LRRTM4: variants seen among roughly 807,000 people sequenced by gnomAD.
LRRTM4 encodes leucine-rich repeat transmembrane neuronal protein 4.
Under a neutral mutation model 47.6 loss-of-function variants are expected in LRRTM4, and 25 were observed. The observed-to-expected ratio is 0.53, with a 90% CI of 0.38 to 0.73. LRRTM4 has a LOEUF of 0.73. LRRTM4 is among the 30% of genes least tolerant of loss of function. The pLI is 0.00. For missense variants in LRRTM4, 638 were observed against 713.4 expected (o/e 0.89, Z 1.20); for synonymous variants, 311 against 269.5 (o/e 1.15, Z -1.51).
At chr2:77,281,267 A>G (rs994049133) in intron 3 of LRRTM4, among the ~76,000 whole-genome samples, 1 of 151,900 alleles carries the variant, frequency 6.6e-6, no homozygotes, top group Non-Finnish European at 1.5e-5. Flanking sequence ...TGGTCTATCA[A>G]AGGTCATTCT....
At chr2:77,254,927 C>T (rs9973634) in intron 3 of LRRTM4, among the ~76,000 whole-genome samples, 18,376 of 147,496 alleles carry the variant, frequency 0.12, 3,796 homozygotes, top group African/African-American at 0.43. Context: ...CAGTCATAAG[C>T]GATGACATAT....
At chr2:77,518,252 G>C in intron 3 of LRRTM4, 66 bp downstream of exon 3, 1 of 1,463,136 alleles carries the variant, frequency 6.8e-7, no homozygotes. Context: ...GACACCTCTA[G>C]GGCTTCAAAC....
chr2:76,975,803 A>C (rs906512417), intron 3 of LRRTM4, among the ~76,000 whole-genome samples: 4 of 151,824 alleles, frequency 2.6e-5, no homozygotes, highest in Admixed American at 2.6e-4. Context: ...AAGTCAAATC[A>C]GTGTCTTATA....
chr2:77,183,942 A>G (rs571406441), intron 3 of LRRTM4, among the ~76,000 whole-genome samples: 6 of 152,142 alleles, frequency 3.9e-5, no homozygotes, highest in African/African-American at 1.4e-4. Context: ...TGGGTTGGGG[A>G]GAGGGGGAAT....
chr2:77,364,616 A>G (rs1672369256), intron 3 of LRRTM4, among the ~76,000 whole-genome samples: 2 of 151,892 alleles, frequency 1.3e-5, no homozygotes, highest in East Asian at 1.9e-4. Context: ...CTTTTGCTAT[A>G]CCCTCCATCT....
intron 3 of LRRTM4, among the ~76,000 whole-genome samples, chr2:76,888,105 T>A (rs905394167): frequency 3.3e-5 from 5 of 150,686 alleles, no homozygotes; most frequent in African/African-American, 1.2e-4. Context: ...TGTGTGTATA[T>A]ATACATATGT....
chr2:77,177,648 T>A (rs770252460), intron 3 of LRRTM4, among the ~76,000 whole-genome samples: 1 of 152,222 alleles, frequency 6.6e-6, no homozygotes, highest in African/African-American at 2.4e-5. Context: ...TGCTTTCTTA[T>A]GATCTCCACT....
chr2:76,945,695 A>G (rs1473678497), intron 3 of LRRTM4, among the ~76,000 whole-genome samples: 1 of 151,944 alleles, frequency 6.6e-6, no homozygotes, highest in African/African-American at 2.4e-5. Context: ...GTCTAAGACG[A>G]AAACAATTTG....
chr2:76,788,383 C>T (rs1674791953), intron 3 of LRRTM4, among the ~76,000 whole-genome samples: 2 of 152,142 alleles, frequency 1.3e-5, no homozygotes, highest in African/African-American at 4.8e-5. Flanking sequence ...TGAGCAGAAT[C>T]AAGGCAAAGG....
At position 77,405,764 on chromosome 2, in the gene LRRTM4, T is replaced by A. The variant is rs1674158273; in HGVS notation, c.1551+112554A>T. On this transcript the variant is annotated intron_variant, in intron 3 of 3. Coordinates refer to ENST00000409884, the MANE Select transcript of LRRTM4 (RefSeq NM_001134745.3). ...GTCTCAAGTCCAGCCATCGCATGTC[T>A]GTTTTTAGTGTTGAATACCTTGGAT... Among the ~76,000 whole-genome samples the A allele has an allele frequency of 1.3e-5, 2 of 152,150 alleles. 1 individual carries two copies. Among genetic ancestry groups the A allele is most frequent in the South Asian group, 4.1e-4 (2 of 4,828 alleles).
At chr2:76,940,724 C>T (rs976049473) in intron 3 of LRRTM4, among the ~76,000 whole-genome samples, 8 of 152,098 alleles carry the variant, frequency 5.3e-5, no homozygotes, top group African/African-American at 1.9e-4. Flanking sequence ...CTATGTACGT[C>T]AGAAAGAGGT....
intron 3 of LRRTM4, among the ~76,000 whole-genome samples, chr2:77,113,463 G>A (rs1387218142): frequency 2.6e-5 from 4 of 152,148 alleles, no homozygotes; most frequent in Non-Finnish European, 5.9e-5. Context: ...TAGCGTGACC[G>A]GACAAGCCCA....
intron 3 of LRRTM4, among the ~76,000 whole-genome samples, chr2:77,103,473 C>G (rs959317105): frequency 2.6e-5 from 4 of 152,014 alleles, no homozygotes; most frequent in African/African-American, 9.6e-5. Context: ...AATGAGAAAG[C>G]ACTTGTTCGC....
chr2:77,094,473 C>T (rs1025491350), intron 3 of LRRTM4, among the ~76,000 whole-genome samples: 1 of 151,864 alleles, frequency 6.6e-6, no homozygotes, highest in East Asian at 1.9e-4. Flanking sequence ...ATAGCCAAAG[C>T]AATATTGAGC....
intron 3 of LRRTM4, among the ~76,000 whole-genome samples, chr2:77,093,352 T>C (rs1670708935): frequency 6.6e-6 from 1 of 150,712 alleles, no homozygotes; most frequent in South Asian, 2.1e-4. Context: ...TCTTAGACCT[T>C]TTATACCTGT....
chr2:77,214,765 C>A (rs1674390800), intron 3 of LRRTM4, among the ~76,000 whole-genome samples: 1 of 150,750 alleles, frequency 6.6e-6, no homozygotes, highest in African/African-American at 2.4e-5. Flanking sequence ...GTTAACTCGT[C>A]TCTGAAAAAA....
chr2:77,468,980 A>G (rs924838296), intron 3 of LRRTM4, among the ~76,000 whole-genome samples: 1 of 152,232 alleles, frequency 6.6e-6, no homozygotes, highest in Admixed American at 6.5e-5. Context: ...CTGAAATTGA[A>G]AACGAATCCA....
At chr2:77,234,610 A>G (rs1266455948) in intron 3 of LRRTM4, among the ~76,000 whole-genome samples, 4 of 152,216 alleles carry the variant, frequency 2.6e-5, no homozygotes, top group Non-Finnish European at 1.5e-5. Flanking sequence ...GAATTATTAG[A>G]GCAATGACTG....
chr2:77,039,896 T>A (rs1678966003), intron 3 of LRRTM4, among the ~76,000 whole-genome samples: 1 of 151,068 alleles, frequency 6.6e-6, no homozygotes, highest in African/African-American at 2.4e-5. Context: ...ACTTAGTAAT[T>A]TTCTCATTAG....
Sources: allele counts gnomAD v4.1 joint callset (sites outside exome capture counted in the v4.1 genomes callset), GRCh38; gene constraint gnomAD v4.1.1; transcripts MANE v1.5; gene names NCBI Gene and HGNC (gene_info 2026-07-23, HGNC 2026-07-21).